Variants in IGF2 observed in about 807,000 individuals in gnomAD.
The protein encoded by IGF2 is insulin like growth factor 2.
A neutral mutation model predicts 12.0 loss-of-function variants in IGF2; 2 were observed. That is an observed-to-expected ratio of 0.17 (90% CI 0.07 to 0.52). IGF2 has a LOEUF of 0.52. IGF2 is among the 20% of genes least tolerant of loss of function. IGF2 has a pLI of 0.95. For synonymous variants in IGF2, 105 were observed against 110.1 expected (o/e 0.95, Z 0.29); for missense variants, 211 against 268.0 (o/e 0.79, Z 1.48).
intron 2 of IGF2, chr11:2,134,084 G>T: frequency 2.1e-6 from 1 of 469,552 alleles, no homozygotes; most frequent in African/African-American, 2.0e-5. Flanking sequence ...TAGGAGGCTG[G>T]AGGGGCCCAC....
At chr11:2,143,962 G>A (rs920398156), upstream of IGF2, among the ~76,000 whole-genome samples, 13 of 152,204 alleles carry the variant, frequency 8.5e-5, no homozygotes, top group Admixed American at 5.2e-4. Context: ...CGCGCGCGGA[G>A]CACTGGCGCC....
In IGF2 at chr11:2,138,561, A is replaced by AGG; in HGVS notation, c.-341_-340dup. ...GTGGGAGAGACAGAGTGAACGTGAA[A>AGG]GGGGGGGGCCGAAGAGAGGGCGAGG... On this transcript the variant is annotated 5_prime_UTR_variant, in exon 1 of 4. Transcript: ENST00000416167. The AGG allele has an allele frequency of 2.6e-6, 1 of 377,772 alleles. No individual in the cohort carries two copies. The highest frequency in any genetic ancestry group is 3.1e-6 in the Non-Finnish European group (1 of 324,842). 23.4% of individuals were successfully genotyped at this position (377,772 alleles called of 1,614,324 possible). A position where few individuals can be genotyped will look rare whatever the true frequency, so the allele number is the denominator to read the frequency against.
chr11:2,137,230 G>A (rs1859133800), intron 1 of IGF2: 2 of 996,436 alleles, frequency 2.0e-6, no homozygotes, highest in Non-Finnish European at 2.4e-6. Flanking sequence ...AGGAGGAGGA[G>A]GAAGAGGAGG....
rs1858678338 is a variant in IGF2 at position 2,132,572 on chromosome 11, T to C, written c.*415A>G. The C allele has an allele frequency of 4.7e-6, 1 of 213,746 alleles. No individual in the cohort carries two copies. The highest frequency in any genetic ancestry group is 2.3e-5 in the African/African-American group (1 of 43,962). 13.2% of individuals were successfully genotyped at this position (213,746 alleles called of 1,614,324 possible). A position where few individuals can be genotyped will look rare whatever the true frequency, so the allele number is the denominator to read the frequency against. ...TTTTTTTTTTTAGCCAATTGATTTTTTTTGGTGGTTGTTTTTTTTAAAGCC... is the reference window on the plus strand; with the variant it reads ...TTTTTTTTTTTAGCCAATTGATTTTCTTTGGTGGTTGTTTTTTTTAAAGCC... On this transcript the variant is annotated 3_prime_UTR_variant, in exon 4 of 4. Transcript: ENST00000416167.
At chr11:2,139,580 G>GT (rs1192643719), upstream of IGF2, among the ~76,000 whole-genome samples, 6 of 147,634 alleles carry the variant, frequency 4.1e-5, no homozygotes, top group African/African-American at 1.2e-4. Context: ...GGGCCCCGGG[G>GT]GGGGGGCGGC....
chr11:2,149,428 G>A, the IGF2 span: 9 of 1,176,484 alleles, frequency 7.6e-6, no homozygotes, highest in Non-Finnish European at 1.1e-5. Flanking sequence ...GCTGAGCATG[G>A]CACCTGCTCA....
upstream of IGF2, among the ~76,000 whole-genome samples, chr11:2,144,376 C>T (rs1029083947): frequency 1.5e-5 from 2 of 136,982 alleles, no homozygotes; most frequent in African/African-American, 2.4e-5. Flanking sequence ...GGCTTGGGGG[C>T]CCGGAGCACC....
chr11:2,136,956 C>T (rs939221032), intron 1 of IGF2, among the ~76,000 whole-genome samples: 36 of 152,182 alleles, frequency 2.4e-4, no homozygotes, highest in Admixed American at 7.2e-4. Flanking sequence ...AAGTCCTGAG[C>T]TGGGCAAGGA....
upstream of IGF2, among the ~76,000 whole-genome samples, chr11:2,139,565 CCCTGGGG>C (rs1161295181): frequency 1.4e-5 from 1 of 73,770 alleles, no homozygotes; most frequent in Non-Finnish European, 2.7e-5. Context: ...GGGCTGGGGG[CCCTGGGG>C]CCCCGGGGGG....
At chr11:2,147,860 C>A in the IGF2 span, 1 of 1,199,388 alleles carries the variant, frequency 8.3e-7, no homozygotes. The surrounding 1 kb of genome is among the most constrained non-coding windows in gnomAD (Gnocchi z 7.2). Context: ...AAAGCAAAGC[C>A]CCCCTCCCCA....
chr11:2,140,239 T>G, upstream of IGF2: 1 of 1,613,152 alleles, frequency 6.2e-7, no homozygotes, highest in Non-Finnish European at 8.5e-7. Flanking sequence ...TGGACTTGCA[T>G]AGACGCGAGT....
upstream of IGF2, among the ~76,000 whole-genome samples, chr11:2,142,131 G>T (rs1474125813): frequency 6.6e-6 from 1 of 151,804 alleles, no homozygotes; most frequent in African/African-American, 2.4e-5. This position sits in a 1 kb window ranked among gnomAD's most constrained non-coding sequence, Gnocchi z 5.7. Context: ...GTGCTTTGGG[G>T]GTCCATGGAA....
upstream of IGF2, chr11:2,140,443 GC>G (rs1215449463): frequency 2.8e-5 from 18 of 651,790 alleles, no homozygotes; most frequent in Non-Finnish European, 4.6e-5. Flanking sequence ...CGCCCCCCTG[GC>G]CCCCCTCGCC....
At chr11:2,136,434 G>A (rs1859055588) in intron 1 of IGF2, among the ~76,000 whole-genome samples, 1 of 152,248 alleles carries the variant, frequency 6.6e-6, no homozygotes, top group African/African-American at 2.4e-5. Flanking sequence ...ACTACAATCT[G>A]GAAGGGGAGG....
chr11:2,143,459 T>C (rs1162698125), upstream of IGF2, among the ~76,000 whole-genome samples: 1 of 152,182 alleles, frequency 6.6e-6, no homozygotes, highest in Non-Finnish European at 1.5e-5. Flanking sequence ...CCACTTGTTT[T>C]GGAAACAATG....
rs767792397 is a variant in IGF2, at chr11:2,133,544, G to A, written c.279C>T (p.Asp93=). 8.1e-6 allele frequency: 13 copies of A among 1,612,710 alleles called. No individual in the cohort carries two copies. Among genetic ancestry groups the A allele is most frequent in the Admixed American group, 1.7e-5 (1 of 59,964 alleles). The stretch of plus-strand genomic sequence containing the variant: ...GAAGCACGGTCGGAGGGGTCGACAC[G>A]TCCCTCTCGGACTTGGCGGGGGTAG... ...YCATPAKSER[D]VSTPPTVLPD... Residue 93 remains aspartate (D), a synonymous_variant, in exon 3 of 4, where the codon GAC becomes GAT. Coordinates refer to ENST00000416167, the MANE Select transcript of IGF2 (RefSeq NM_000612.6). The surrounding 1 kb of genome is among the most constrained non-coding windows in gnomAD (Gnocchi z 8.9).
rs1205110548 is a variant in IGF2 at position 2,139,128 on chromosome 11, G to T, written c.-906C>A. 6.5e-6 allele frequency: 1 copy of T among 154,508 alleles called. No homozygotes were observed. 9.6% of individuals were successfully genotyped at this position (154,508 alleles called of 1,614,324 possible). ...GCCTGCGGGGGGAACCGCCTCCTCGGGCGAAGCGGGGATGGGGGGAGTTGA... is the reference window on the plus strand; with the variant it reads ...GCCTGCGGGGGGAACCGCCTCCTCGTGCGAAGCGGGGATGGGGGGAGTTGA... On this transcript the variant is annotated 5_prime_UTR_variant, in exon 1 of 4. Transcript: ENST00000416167.
chr11:2,145,775 CTTAT>C (rs1326666470), upstream of IGF2, among the ~76,000 whole-genome samples: 1 of 152,106 alleles, frequency 6.6e-6, no homozygotes, highest in Non-Finnish European at 1.5e-5. Flanking sequence ...GAGTGCTCTC[CTTAT>C]TTAGTCAGAA....
Position 2,132,898 on chromosome 11 carries a change from T to G in IGF2, c.*89A>C. The G allele has an allele frequency of 1.1e-6, 1 of 915,326 alleles. No individual in the cohort carries two copies. The highest frequency in any genetic ancestry group is 1.6e-6 in the Non-Finnish European group (1 of 607,758). 56.7% of individuals were successfully genotyped at this position (915,326 alleles called of 1,614,324 possible). On this transcript the variant is annotated 3_prime_UTR_variant, in exon 4 of 4. Transcript: ENST00000416167. ...CCCAGGGGGACGTGGAACCGAGAGATTTTCGGGATGGAACCTGATGGAAAC... is the reference window on the plus strand; with the variant it reads ...CCCAGGGGGACGTGGAACCGAGAGAGTTTCGGGATGGAACCTGATGGAAAC...
Sources: gnomAD v4.1 joint callset for allele counts (sites outside exome capture counted in the v4.1 genomes callset) on GRCh38, gnomAD v4.1.1 for gene constraint, Gnocchi (gnomAD v3.1) non-coding constraint, MANE v1.5 for transcripts, NCBI Gene and HGNC (gene_info 2026-07-23, HGNC 2026-07-21) for gene names.